Variants in GSTM4 observed in about 807,000 individuals in gnomAD.
GSTM4 encodes the protein GST class-mu 4.
In GSTM4, 27 loss-of-function variants were observed where a neutral mutation model predicts 30.1. The ratio of observed to expected loss-of-function variants is 0.90; its 90% CI spans 0.66 to 1.24. The LOEUF (loss-of-function observed/expected upper bound fraction) is 1.24, where lower values mean the gene tolerates loss of function less well. Ranked by LOEUF, GSTM4 falls within the 50% of genes most tolerant of loss-of-function variation. The pLI, the probability that GSTM4 is intolerant of heterozygous loss-of-function variation, is 0.00. For missense variants in GSTM4, 238 were observed against 272.1 expected (o/e 0.87, Z 0.88); for synonymous variants, 94 against 96.2 (o/e 0.98, Z 0.13).
intron 5 of GSTM4, 178 bp from the exon 6 acceptor site, chr1:109,658,636 C>A: frequency 3.2e-6 from 2 of 624,974 alleles, no homozygotes; most frequent in Admixed American, 5.7e-5. Context: ...ACCACAAAAG[C>A]CTCCAGCTAC....
downstream of GSTM4, among the ~76,000 whole-genome samples, chr1:109,666,722 T>C (rs1170670024): frequency 6.6e-6 from 1 of 152,094 alleles, no homozygotes; most frequent in Admixed American, 6.5e-5. Flanking sequence ...GACCCATTCC[T>C]GGGTTTCTTT....
chr1:109,657,510 C>T (rs1406094756), intron 3 of GSTM4, 80 bp from the exon 4 acceptor site: 13 of 1,595,550 alleles, frequency 8.1e-6, no homozygotes, highest in Non-Finnish European at 1.1e-5. Flanking sequence ...CCTGGTCTCC[C>T]CTCTGCCCTT....
downstream of GSTM4, among the ~76,000 whole-genome samples, chr1:109,667,714 A>G (rs546655552): frequency 1.3e-5 from 2 of 152,226 alleles, no homozygotes; most frequent in South Asian, 4.1e-4. Flanking sequence ...CTGAGCACCA[A>G]ATGTTCTTTT....
At chr1:109,657,034 G>A (rs781442761) in intron 2 of GSTM4, 181 bp from the exon 3 acceptor site, 5 of 799,784 alleles carry the variant, frequency 6.3e-6, no homozygotes, top group Admixed American at 2.0e-5. Flanking sequence ...AGCCTTAGCC[G>A]TGTGGGGTCC....
At chr1:109,657,962 G>A in intron 5 of GSTM4, 90 bp downstream of exon 5, 1 of 1,076,444 alleles carries the variant, frequency 9.3e-7, no homozygotes, top group Non-Finnish European at 1.4e-6. Flanking sequence ...CACTGCTATT[G>A]ATCCTCTGAG....
intron 7 of GSTM4, 163 bp downstream of exon 7, chr1:109,659,273 T>C (rs779438804): frequency 7.5e-6 from 12 of 1,596,460 alleles, no homozygotes; most frequent in Non-Finnish European, 9.4e-6. Flanking sequence ...GTGTGGAATT[T>C]GAAATTTCCA....
At chr1:109,664,819 G>A (rs1473789299), downstream of GSTM4, among the ~76,000 whole-genome samples, 1 of 152,090 alleles carries the variant, frequency 6.6e-6, no homozygotes. Flanking sequence ...TTTATAGTGT[G>A]TGCATGTTTC....
At chr1:109,664,372 T>C, downstream of GSTM4, among the ~76,000 whole-genome samples, 1 of 118,582 alleles carries the variant, frequency 8.4e-6, no homozygotes, top group African/African-American at 3.4e-5. Flanking sequence ...TTTTTTTTTT[T>C]TTTTTGATGT....
rs1652115289 is a variant in GSTM4, at chr1:109,658,001, TC to T, written c.360+130del. ...TCCCTGTACTGTAGCAGAGTGACTG[TC>T]ATATCATTAAACTTATAAAATAAAA... On this transcript the variant is annotated intron_variant, in intron 5 of 7. Coordinates refer to ENST00000369836, the MANE Select transcript of GSTM4 (RefSeq NM_000850.5). 36 of 725,704 alleles carry T rather than the reference TC, an allele frequency of 5.0e-5. No individual in the cohort carries two copies. In the South Asian group the frequency reaches 6.3e-4, roughly 13 times the overall value. The allele number at this position is 725,704 out of a possible 1,614,324, so 45.0% of individuals were successfully genotyped here.
At chr1:109,657,177 T>C in intron 2 of GSTM4, 38 bp from the exon 3 acceptor site, 1 of 1,608,990 alleles carries the variant, frequency 6.2e-7, no homozygotes, top group Non-Finnish European at 8.5e-7. Flanking sequence ...GGCTGGGCTC[T>C]GGGGAGGTTT....
intron 2 of GSTM4, 58 bp from the exon 3 acceptor site, chr1:109,657,157 C>A (rs1163968140): frequency 6.3e-7 from 1 of 1,591,656 alleles, no homozygotes; most frequent in Non-Finnish European, 8.6e-7. Context: ...GGAGGGTCCC[C>A]GGGAAGGAGG....
Position 109,658,929 on chromosome 1 carries a change from A to C in GSTM4, c.456+20A>C. The C allele has an allele frequency of 3.7e-6, 6 of 1,611,420 alleles. No individual in the cohort carries two copies. The highest frequency in any genetic ancestry group is 5.1e-6 in the Non-Finnish European group (6 of 1,177,448). On this transcript the variant is annotated intron_variant, in intron 6 of 7. Transcript: ENST00000369836. ...GACAAGGTAATGGGGGCATGTGATG[A>C]GGACACTAGAGATTTGCCATACATC...
chr1:109,664,341 C>CCTTTTTTTTTT (rs1647226667), downstream of GSTM4, among the ~76,000 whole-genome samples: 2 of 35,742 alleles, frequency 5.6e-5, 1 homozygote, highest in South Asian at 3.3e-3. Context: ...GAGAGAATAG[C>CCTTTTTTTTTT]TTTTTTTTTT....
At chr1:109,664,295 G>T (rs1191738297), downstream of GSTM4, among the ~76,000 whole-genome samples, 1 of 133,896 alleles carries the variant, frequency 7.5e-6, no homozygotes, top group Non-Finnish European at 1.5e-5. Flanking sequence ...AGGTGAGAAT[G>T]GTGTTATGGT....
downstream of GSTM4, chr1:109,664,874 C>CT: frequency 1.2e-6 from 1 of 834,938 alleles, no homozygotes; most frequent in Non-Finnish European, 2.0e-6. Flanking sequence ...CTTGAATCTC[C>CT]TGTATAAAAC....
downstream of GSTM4, among the ~76,000 whole-genome samples, chr1:109,662,381 T>C (rs1237126486): frequency 6.6e-6 from 1 of 152,172 alleles, no homozygotes; most frequent in Non-Finnish European, 1.5e-5. Context: ...CCATCACAGC[T>C]TAGATCTCTA....
At position 109,659,111 on chromosome 1, in the gene GSTM4, GTGATGCCCCCATCCTCCTTTCTCTT is replaced by G. The variant is rs1384368478; in HGVS notation, c.567+11_567+35del. ...GAAGGACTTCATCTCCCGCTTTGAGGTGATGCCCCCATCCTCCTTTCTCTTTGATGCCCCTTGTTCCGTTACCTCC... is the reference window on the plus strand; with the variant it reads ...GAAGGACTTCATCTCCCGCTTTGAGGTGATGCCCCTTGTTCCGTTACCTCC... On this transcript the variant is annotated splice_donor_variant and splice_donor_5th_base_variant and intron_variant, in intron 7 of 7. Coordinates refer to ENST00000369836, the MANE Select transcript of GSTM4 (RefSeq NM_000850.5). LOFTEE classifies it high-confidence loss of function. 6 of 1,614,208 alleles carry G rather than the reference GTGATGCCCCCATCCTCCTTTCTCTT, an allele frequency of 3.7e-6. No homozygotes were observed. In the South Asian group the frequency reaches 6.6e-5, roughly 18 times the overall value.
intron 6 of GSTM4, 21 bp from the exon 7 acceptor site, chr1:109,658,979 C>A: frequency 3.7e-6 from 6 of 1,613,632 alleles, no homozygotes; most frequent in Non-Finnish European, 5.1e-6. Context: ...TTCCAGCCCA[C>A]ACATTCTTGG....
intron 7 of GSTM4, 82 bp from the exon 8 acceptor site, chr1:109,661,083 A>G (rs1041518519): frequency 2.9e-5 from 45 of 1,570,618 alleles, no homozygotes; most frequent in Admixed American, 1.2e-4. Context: ...CAGGGCCCTG[A>G]CCTGCTGTGT....
Sources: gnomAD v4.1 joint callset for allele counts (sites outside exome capture counted in the v4.1 genomes callset) on GRCh38, gnomAD v4.1.1 for gene constraint, MANE v1.5 for transcripts, NCBI Gene and HGNC (gene_info 2026-07-23, HGNC 2026-07-21) for gene names.